Variants in COL4A6 observed in about 807,000 individuals in gnomAD.
The protein encoded by COL4A6 is collagen type IV alpha 6 chain, also known as collagen alpha-6(IV) chain.
COL4A6 carries 59 observed loss-of-function variants against 126.7 expected under a neutral mutation model. The observed-to-expected ratio is 0.47, with a 90% CI of 0.38 to 0.58. The LOEUF is 0.58. COL4A6 is among the 20% of genes least tolerant of loss of function. The pLI is 0.00. For synonymous variants in COL4A6, 547 were observed against 496.6 expected, an observed-to-expected ratio of 1.10 and a Z score of -1.35; for missense variants, 1,285 against 1,337.3, an observed-to-expected ratio of 0.96 and a Z score of 0.61.
chrX:108,159,286 C>T (rs988091831), intron 44 of COL4A6, among the ~76,000 whole-genome samples, 176 bp downstream of exon 44: 1 of 112,562 alleles, frequency 8.9e-6, no homozygotes, highest in Admixed American at 9.3e-5. Flanking sequence ...TCCGCTACAC[C>T]CATAACTACC....
At chrX:108,393,334 A>G (rs1394379890) in intron 2 of COL4A6, among the ~76,000 whole-genome samples, 4 of 112,659 alleles carry the variant, frequency 3.6e-5, no homozygotes, top group Admixed American at 9.4e-5. Context: ...CATGCTACCA[A>G]TTAATGAACA....
At chrX:108,329,141 G>C (rs988458410) in intron 2 of COL4A6, among the ~76,000 whole-genome samples, 8 of 111,150 alleles carry the variant, frequency 7.2e-5, no homozygotes, top group African/African-American at 2.6e-4. Context: ...AATAAGTTCT[G>C]GTGTTCTACT....
intron 3 of COL4A6, among the ~76,000 whole-genome samples, chrX:108,246,237 A>G (rs1455246204): frequency 1.8e-5 from 2 of 112,047 alleles, no homozygotes; most frequent in African/African-American, 3.2e-5. Context: ...GCGATTAACA[A>G]TAGCATCTAC....
In COL4A6 at chrX:108,161,709, C is replaced by G. The variant is rs750744219; in HGVS notation, c.4243G>C (p.Gly1415Arg). ...QGSKGLPGIP[G>R]KDGPSGLPGP... ...GGGAGCCCACTGGGGCCATCTTTAC[C>G]GGGGATGCCAGGTAAACCTTTGGAG... is the stretch of plus-strand genomic sequence containing the variant. Residue 1415 changes from glycine to arginine, a missense_variant, in exon 42 of 45, where the codon GGT becomes CGT. Gly to Arg is a moderately radical substitution (Grantham distance 125, BLOSUM62 -2). Transcript: ENST00000334504. 1 of 1,204,561 alleles carries G rather than the reference C, an allele frequency of 8.3e-7. No homozygotes were observed. Among genetic ancestry groups the G allele is most frequent in the Non-Finnish European group, 1.1e-6 (1 of 890,404 alleles).
At chrX:108,359,426 T>C (rs976647111) in intron 2 of COL4A6, among the ~76,000 whole-genome samples, 12 of 112,857 alleles carry the variant, frequency 1.1e-4, no homozygotes, top group African/African-American at 3.9e-4. Flanking sequence ...CAATTGCAGG[T>C]ATTTTTCCTA....
At chrX:108,343,204 G>GTGTGTGTGTT (rs1302659215) in intron 2 of COL4A6, among the ~76,000 whole-genome samples, 1 of 97,782 alleles carries the variant, frequency 1.0e-5, no homozygotes, top group East Asian at 3.2e-4. Context: ...GTGTGTGTGT[G>GTGTGTGTGTT]TATGTACAAA....
At chrX:108,312,827 G>C (rs772288767) in intron 2 of COL4A6, among the ~76,000 whole-genome samples, 37 of 111,369 alleles carry the variant, frequency 3.3e-4, no homozygotes, top group Non-Finnish European at 6.2e-4. Flanking sequence ...AACAATGTCT[G>C]TTTGAGTGTT....
intron 9 of COL4A6, among the ~76,000 whole-genome samples, chrX:108,206,215 C>G (rs1257692678): frequency 9.0e-6 from 1 of 111,247 alleles, no homozygotes; most frequent in Non-Finnish European, 1.9e-5. Flanking sequence ...CAATACCTGT[C>G]ATGGGTGAGG....
chrX:108,376,796 CACTT>C (rs993845853), intron 2 of COL4A6, among the ~76,000 whole-genome samples: 1 of 112,498 alleles, frequency 8.9e-6, no homozygotes, highest in Non-Finnish European at 1.9e-5. Flanking sequence ...CAAACACTCT[CACTT>C]AATACTTTTC....
intron 3 of COL4A6, among the ~76,000 whole-genome samples, chrX:108,249,642 G>T (rs151056967): frequency 8.9e-6 from 1 of 111,751 alleles, no homozygotes; most frequent in African/African-American, 3.3e-5. Context: ...AAGAATGATT[G>T]TCAGGAATAG....
intron 2 of COL4A6, among the ~76,000 whole-genome samples, chrX:108,356,123 AGAGTGT>A (rs1345023190): frequency 1.5e-5 from 1 of 64,807 alleles, no homozygotes; most frequent in Non-Finnish European, 2.7e-5. Context: ...AACAGTCCCC[AGAGTGT>A]GATGCTCCCC....
In COL4A6 at chrX:108,156,840, C is replaced by G; in HGVS notation, c.*160G>C. ...GGGCTCATCTCTATGGACCCGAGGGCTGGGGTGACGAGTGTCCGGTAGTCT... is the reference window on the plus strand; with the variant it reads ...GGGCTCATCTCTATGGACCCGAGGGGTGGGGTGACGAGTGTCCGGTAGTCT... On this transcript the variant is annotated 3_prime_UTR_variant, in exon 45 of 45. Transcript: ENST00000334504. 1 of 537,808 alleles carries G rather than the reference C, an allele frequency of 1.9e-6. No homozygotes were observed. The highest frequency in any genetic ancestry group is 3.1e-6 in the Non-Finnish European group (1 of 318,630). The allele number at this position is 537,808 out of a possible 1,213,427, so 44.3% of individuals were successfully genotyped here. A position where few individuals can be genotyped will look rare whatever the true frequency, so the allele number is the denominator to read the frequency against.
chrX:108,214,309 A>G, intron 5 of COL4A6, 81 bp from the exon 6 acceptor site: 1 of 677,248 alleles, frequency 1.5e-6, no homozygotes, highest in Non-Finnish European at 2.3e-6. Context: ...AGAAAAGCCA[A>G]GCATGCTATT....
chrX:108,341,608 C>T lies in COL4A6; in HGVS notation c.64-30780G>A, dbSNP rs762973699. On this transcript the variant is annotated intron_variant, in intron 2 of 44. Transcript: ENST00000334504. The stretch of plus-strand genomic sequence containing the variant: ...CCATGGAACTATGAGTCCATTAAAC[C>T]TCTTTTTCTTTATAAATTACTCAGT... Among the ~76,000 whole-genome samples the T allele has an allele frequency of 1.4e-4, 15 of 111,038 alleles. 1 individual carries two copies. The highest frequency in any genetic ancestry group is 1.2e-3 in the Admixed American group (12 of 10,408).
chrX:108,258,588 T>A (rs1036485376), intron 3 of COL4A6, among the ~76,000 whole-genome samples: 2 of 111,858 alleles, frequency 1.8e-5, no homozygotes, highest in Non-Finnish European at 3.8e-5. Context: ...GGAGGGAAGG[T>A]AAACTACCTG....
At chrX:108,427,913 T>C (rs1055765945) in intron 2 of COL4A6, among the ~76,000 whole-genome samples, 4 of 112,143 alleles carry the variant, frequency 3.6e-5, no homozygotes, top group African/African-American at 1.3e-4. Flanking sequence ...ATGAGAATAT[T>C]TGTCCCTCAC....
At chrX:108,351,440 C>CTGTG (rs574111228) in intron 2 of COL4A6, among the ~76,000 whole-genome samples, 7,870 of 97,379 alleles carry the variant, frequency 0.081, 300 homozygotes, top group Admixed American at 0.11. Flanking sequence ...AACTCTCTCT[C>CTGTG]TCTGTGTGTG....
intron 2 of COL4A6, among the ~76,000 whole-genome samples, chrX:108,372,705 T>A (rs960814287): frequency 4.5e-5 from 5 of 111,804 alleles, no homozygotes; most frequent in Non-Finnish European, 7.5e-5. Context: ...GTAGGCTAAT[T>A]TGTCTAGCAA....
At chrX:108,414,177 C>T (rs1448850302) in intron 2 of COL4A6, among the ~76,000 whole-genome samples, 1 of 112,009 alleles carries the variant, frequency 8.9e-6, no homozygotes, top group Non-Finnish European at 1.9e-5. Flanking sequence ...TGCTCTGAGG[C>T]AGAAAGAAAC....
Sources: gnomAD v4.1 joint callset for allele counts (sites outside exome capture counted in the v4.1 genomes callset) on GRCh38, gnomAD v4.1.1 for gene constraint, MANE v1.5 for transcripts, NCBI Gene and HGNC (gene_info 2026-07-23, HGNC 2026-07-21) for gene names.